Variants in GAS7 observed in about 807,000 individuals in gnomAD.
The protein encoded by GAS7 is growth arrest specific 7.
A neutral mutation model predicts 71.1 loss-of-function variants in GAS7; 28 were observed. That is an observed-to-expected ratio of 0.39 (90% CI 0.29 to 0.54). The LOEUF is 0.54. Among genes scored for constraint, GAS7 ranks in the 20% least tolerant of loss-of-function variants. The probability of loss-of-function intolerance (pLI) is 0.62; values close to 1 mark genes in which losing one functional copy is unlikely to be tolerated. For synonymous variants in GAS7, 258 were observed against 245.8 expected (o/e 1.05, Z -0.46); for missense variants, 436 against 627.8 (o/e 0.69, Z 3.27).
At chr17:10,041,692 C>T (rs116565790) in intron 1 of GAS7, among the ~76,000 whole-genome samples, 6,481 of 152,288 alleles carry the variant, frequency 0.043, 459 homozygotes, top group African/African-American at 0.15. Flanking sequence ...CCTTTATTAA[C>T]CATCCTTAGT....
rs566768008 is a variant in GAS7 at position 10,157,376 on chromosome 17, G to A, written c.183+40832C>T. 4.6e-5 allele frequency among the ~76,000 whole-genome samples: 7 copies of A among 152,276 alleles called. No individual in the cohort carries two copies. In the East Asian group the frequency reaches 1.4e-3, roughly 29 times the overall value. ...CAACTCCCCTGCCTTTCAATATGAA[G>A]ACAAGTCTGACGCCTACGTGGGGAA... On this transcript the variant is annotated intron_variant, in intron 1 of 13. Coordinates refer to ENST00000432992, the MANE Select transcript of GAS7 (RefSeq NM_201433.2).
rs10618544 is a variant in GAS7, at chr17:9,947,833, CAAAA to C, written c.526-854_526-851del. Among the ~76,000 whole-genome samples, 28 of 95,838 alleles carry C rather than the reference CAAAA, an allele frequency of 2.9e-4. No homozygotes were observed. The South Asian group carries it at 4.1e-3, about 14-fold the overall frequency. The allele number at this position is 95,838 out of a possible 152,430, so 62.9% of individuals were successfully genotyped here. On this transcript the variant is annotated intron_variant, in intron 5 of 13. Coordinates refer to ENST00000432992, the MANE Select transcript of GAS7 (RefSeq NM_201433.2). ...TATATGGTTAGGTGAAGGTTAAAAA[CAAAA>C]AAAAAAAAAAAGCAAGCAGAGTATT...
chr17:9,937,108 C>A (rs2068427853), intron 8 of GAS7, among the ~76,000 whole-genome samples: 1 of 152,202 alleles, frequency 6.6e-6, no homozygotes, highest in Admixed American at 6.5e-5. Flanking sequence ...TGTTCATGTT[C>A]CAGTGCCTGC....
rs1314581220 is a variant in GAS7, at chr17:9,969,337, TTGTC to T, written c.471+336_471+339del. On this transcript the variant is annotated intron_variant, in intron 4 of 13. Coordinates refer to ENST00000432992, the MANE Select transcript of GAS7 (RefSeq NM_201433.2). This position sits in a 1 kb window ranked among gnomAD's most constrained non-coding sequence, Gnocchi z 5.5. ...AGGGGTAGGGTAGAGAAAAGGAAAA[TTGTC>T]TGGCACATCCATACTCTTAAAGTGG... is the stretch of plus-strand genomic sequence containing the variant. 1.3e-5 allele frequency among the ~76,000 whole-genome samples: 2 copies of T among 152,220 alleles called. No individual in the cohort carries two copies. Among genetic ancestry groups the T allele is most frequent in the Admixed American group, 1.3e-4 (2 of 15,282 alleles).
chr17:10,062,029 C>T (rs2073225633), intron 1 of GAS7, among the ~76,000 whole-genome samples: 3 of 152,146 alleles, frequency 2.0e-5, no homozygotes, highest in Middle Eastern at 3.2e-3. Context: ...GTAACATGGC[C>T]GAAAACCCTG....
At chr17:10,051,746 T>G (rs1226871664) in intron 1 of GAS7, among the ~76,000 whole-genome samples, 6 of 152,130 alleles carry the variant, frequency 3.9e-5, no homozygotes. Context: ...GTGCCTTCAT[T>G]TGAACATGGG....
At chr17:9,992,703 A>T (rs1201997316) in intron 2 of GAS7, among the ~76,000 whole-genome samples, 6 of 151,790 alleles carry the variant, frequency 4.0e-5, no homozygotes, top group Middle Eastern at 6.8e-3. Flanking sequence ...CACTGCACCC[A>T]CCAACTCATC....
intron 1 of GAS7, among the ~76,000 whole-genome samples, chr17:10,070,354 T>TG (rs916001827): frequency 5.5e-5 from 8 of 144,620 alleles, no homozygotes; most frequent in African/African-American, 2.0e-4. Context: ...TTTTTTTTTT[T>TG]TTTTTTTTTT....
intron 6 of GAS7, among the ~76,000 whole-genome samples, chr17:9,944,787 T>A (rs991547590): frequency 1.3e-5 from 2 of 152,182 alleles, no homozygotes; most frequent in Non-Finnish European, 2.9e-5. Context: ...GAATGCTACA[T>A]CTTGATGAAA....
intron 1 of GAS7, among the ~76,000 whole-genome samples, chr17:10,177,132 C>G (rs1366027630): frequency 1.3e-5 from 2 of 152,108 alleles, no homozygotes; most frequent in Non-Finnish European, 2.9e-5. Flanking sequence ...GCAGGAGATC[C>G]CCATGCAAGC....
intron 1 of GAS7, among the ~76,000 whole-genome samples, chr17:10,187,920 G>A (rs1255276691): frequency 6.6e-6 from 1 of 152,184 alleles, no homozygotes; most frequent in East Asian, 1.9e-4. Flanking sequence ...GGAGAAATGT[G>A]AACTATGCTA....
In GAS7 at chr17:9,917,145, G is replaced by T; in HGVS notation, c.*83C>A. 2 of 866,264 alleles carry T rather than the reference G, an allele frequency of 2.3e-6. No individual in the cohort carries two copies. The highest frequency in any genetic ancestry group is 1.3e-5 in the South Asian group (1 of 75,704). The allele number at this position is 866,264 out of a possible 1,614,324, so 53.7% of individuals were successfully genotyped here. The stretch of plus-strand genomic sequence containing the variant: ...CCTCAGTGGCCCAGGAGAGAGGGTG[G>T]GGGGCATCCACTCGGCATGGGCCCC... On this transcript the variant is annotated 3_prime_UTR_variant, in exon 14 of 14. Transcript: ENST00000432992.
chr17:10,089,627 G>A (rs1414360592), intron 1 of GAS7, among the ~76,000 whole-genome samples: 1 of 152,126 alleles, frequency 6.6e-6, no homozygotes, highest in Non-Finnish European at 1.5e-5. Flanking sequence ...TCACATTCTG[G>A]CTACAGTTCC....
intron 2 of GAS7, among the ~76,000 whole-genome samples, chr17:9,982,781 A>G (rs1486556840): frequency 1.6e-5 from 2 of 127,944 alleles, no homozygotes; most frequent in Non-Finnish European, 3.2e-5. Flanking sequence ...GCCTCAAAAA[A>G]AAAGAAAGAA....
intron 1 of GAS7, among the ~76,000 whole-genome samples, chr17:10,098,075 C>A (rs1208455860): frequency 6.6e-6 from 1 of 151,114 alleles, no homozygotes; most frequent in Non-Finnish European, 1.5e-5. Flanking sequence ...CATTGGGACT[C>A]GCCTCCTTGT....
In GAS7 at chr17:9,959,446, C is replaced by T. The variant is rs1338397552; in HGVS notation, c.472-191G>A. On this transcript the variant is annotated intron_variant, in intron 4 of 13. Coordinates refer to ENST00000432992, the MANE Select transcript of GAS7 (RefSeq NM_201433.2). The surrounding 1 kb of genome is among the most constrained non-coding windows in gnomAD (Gnocchi z 5.0). ...CCACGCTGTTCCCACGCCCAGCTCT[C>T]GGGCTGAAGGCGAATTAAGGAAGCC... 28 of 1,436,184 alleles carry T rather than the reference C, an allele frequency of 1.9e-5. No homozygotes were observed. Among genetic ancestry groups the T allele is most frequent in the East Asian group, 1.0e-4 (4 of 39,586 alleles). The allele number at this position is 1,436,184 out of a possible 1,614,324, so 89.0% of individuals were successfully genotyped here.
In GAS7 at chr17:10,046,872, A is replaced by G. The variant is rs1379081440; in HGVS notation, c.184-26975T>C. ...AAGAAAAGAAAAGAAAAAAGAAAAG[A>G]AAAGGAAAAGAAAAGAAAAGAAAAG... On this transcript the variant is annotated intron_variant, in intron 1 of 13. Coordinates refer to ENST00000432992, the MANE Select transcript of GAS7 (RefSeq NM_201433.2). Among the ~76,000 whole-genome samples, 21 of 143,460 alleles carry G rather than the reference A, an allele frequency of 1.5e-4. 4 individuals are homozygous for G. Among genetic ancestry groups the G allele is most frequent in the African/African-American group, 5.4e-4 (19 of 35,442 alleles). The allele number at this position is 143,460 out of a possible 152,430, so 94.1% of individuals were successfully genotyped here.
At position 9,915,396 on chromosome 17, in the gene GAS7, G is replaced by A. The variant is rs988469674; in HGVS notation, c.*1832C>T. On this transcript the variant is annotated 3_prime_UTR_variant, in exon 14 of 14. Transcript: ENST00000432992. ...ACCAAGAAATAATATTCTAAAATTG[G>A]TAGCTGGTGTCATGACCCAACCCCA... The A allele has an allele frequency of 3.0e-5, 7 of 230,754 alleles. No homozygotes were observed. Among genetic ancestry groups the A allele is most frequent in the African/African-American group, 1.3e-4 (6 of 45,188 alleles). The allele number at this position is 230,754 out of a possible 1,614,324, so 14.3% of individuals were successfully genotyped here. A position where few individuals can be genotyped will look rare whatever the true frequency, so the allele number is the denominator to read the frequency against.
intron 9 of GAS7, among the ~76,000 whole-genome samples, chr17:9,927,613 T>C (rs2068058155): frequency 6.6e-6 from 1 of 152,236 alleles, no homozygotes; most frequent in Non-Finnish European, 1.5e-5. Context: ...GAGAGCTTTC[T>C]GGGGACAGAA....
Sources: allele counts gnomAD v4.1 joint callset (sites outside exome capture counted in the v4.1 genomes callset), GRCh38; gene constraint gnomAD v4.1.1; non-coding constraint Gnocchi (gnomAD v3.1); transcripts MANE v1.5; gene names NCBI Gene and HGNC (gene_info 2026-07-23, HGNC 2026-07-21).